Variants in AFF3 observed in about 807,000 individuals in gnomAD.
AFF3 encodes ALF transcription elongation factor 3.
AFF3 carries 32 observed loss-of-function variants against 129.7 expected under a neutral mutation model. The observed-to-expected ratio is 0.25, with a 90% CI of 0.19 to 0.33. AFF3 has a LOEUF of 0.33. Among genes scored for constraint, AFF3 ranks in the 10% least tolerant of loss-of-function variants. The probability of loss-of-function intolerance (pLI) is 1.00; values close to 1 mark genes in which losing one functional copy is unlikely to be tolerated. For missense variants in AFF3, 1,373 were observed against 1,592.0 expected (o/e 0.86, Z 2.34); for synonymous variants, 644 against 635.4 (o/e 1.01, Z -0.20).
chr2:99,648,961 A>C (rs1308587915), intron 13 of AFF3, among the ~76,000 whole-genome samples: 2 of 128,146 alleles, frequency 1.6e-5, no homozygotes, highest in East Asian at 2.5e-4. Flanking sequence ...GTGAAAAAAC[A>C]AAAACCAAAA....
chr2:99,674,589 C>T (rs978166724), intron 11 of AFF3, among the ~76,000 whole-genome samples: 1 of 152,170 alleles, frequency 6.6e-6, no homozygotes, highest in East Asian at 1.9e-4. Flanking sequence ...CCAGCAAGCA[C>T]TGGGTCTTTA....
At chr2:99,846,023 G>A (rs558186003) in intron 7 of AFF3, among the ~76,000 whole-genome samples, 7 of 151,670 alleles carry the variant, frequency 4.6e-5, no homozygotes, top group African/African-American at 1.2e-4. Context: ...TAGTAGAGAC[G>A]GGGTTTCACC....
intron 2 of AFF3, among the ~76,000 whole-genome samples, chr2:100,108,393 A>T (rs930171149): frequency 6.6e-6 from 1 of 152,162 alleles, no homozygotes; most frequent in African/African-American, 2.4e-5. Context: ...GGTCCCGAGC[A>T]GATGGTGTGG....
At chr2:99,978,657 T>C (rs1250298248) in intron 7 of AFF3, among the ~76,000 whole-genome samples, 1 of 152,094 alleles carries the variant, frequency 6.6e-6, no homozygotes, top group Non-Finnish European at 1.5e-5. Flanking sequence ...TTGAATATCA[T>C]AACCCCCAAG....
At chr2:99,827,662 T>C (rs966600993) in intron 8 of AFF3, among the ~76,000 whole-genome samples, 19 of 151,716 alleles carry the variant, frequency 1.3e-4, no homozygotes, top group African/African-American at 4.6e-4. Flanking sequence ...TATATATGTA[T>C]ATATATACAC....
intron 7 of AFF3, among the ~76,000 whole-genome samples, chr2:99,928,102 G>A (rs368780110): frequency 9.9e-4 from 151 of 152,286 alleles, no homozygotes; most frequent in Middle Eastern, 3.4e-3. Flanking sequence ...CCCTAGCCAC[G>A]TGGAACTGTA....
intron 18 of AFF3, among the ~76,000 whole-genome samples, chr2:99,569,203 T>A (rs1410798963): frequency 6.6e-6 from 1 of 152,160 alleles, no homozygotes; most frequent in Non-Finnish European, 1.5e-5. Context: ...TTTTTTATTG[T>A]ATGGTTAAAA....
At chr2:100,060,252 C>T (rs1687160063) in intron 4 of AFF3, among the ~76,000 whole-genome samples, 1 of 152,124 alleles carries the variant, frequency 6.6e-6, no homozygotes. Flanking sequence ...GAGATGTAGC[C>T]TATGCCAGAT....
At chr2:99,963,134 C>T (rs1559014904) in intron 7 of AFF3, among the ~76,000 whole-genome samples, 2 of 151,838 alleles carry the variant, frequency 1.3e-5, no homozygotes, top group African/African-American at 4.8e-5. Flanking sequence ...AAAAAATGTC[C>T]CTGACATTTG....
At chr2:100,014,354 T>C (rs1280319355) in intron 4 of AFF3, among the ~76,000 whole-genome samples, 2 of 152,184 alleles carry the variant, frequency 1.3e-5, no homozygotes, top group African/African-American at 2.4e-5. Flanking sequence ...GAAAAAGTTA[T>C]CATGTTTTGC....
At chr2:100,042,259 A>AG (rs1685498669) in intron 4 of AFF3, among the ~76,000 whole-genome samples, 1 of 152,212 alleles carries the variant, frequency 6.6e-6, no homozygotes, top group Non-Finnish European at 1.5e-5. Flanking sequence ...CACCCCACAG[A>AG]GGGCCCTCCG....
intron 8 of AFF3, among the ~76,000 whole-genome samples, chr2:99,777,105 T>C (rs1328479972): frequency 4.6e-5 from 7 of 152,178 alleles, no homozygotes; most frequent in Non-Finnish European, 7.4e-5. Context: ...TGCTTGGAAT[T>C]GAGCAAAGTC....
intron 7 of AFF3, among the ~76,000 whole-genome samples, chr2:99,915,194 G>A (rs919495094): frequency 2.6e-5 from 4 of 151,910 alleles, no homozygotes; most frequent in Non-Finnish European, 4.4e-5. Context: ...AAAGGCTCTC[G>A]ATAATGGAAC....
chr2:100,032,865 A>G (rs1250862159), intron 4 of AFF3, among the ~76,000 whole-genome samples: 1 of 152,224 alleles, frequency 6.6e-6, no homozygotes, highest in East Asian at 1.9e-4. Flanking sequence ...ACTATAAGTA[A>G]TAAGAAAAAT....
chr2:99,731,502 T>C (rs1294582635), intron 10 of AFF3, among the ~76,000 whole-genome samples: 1 of 152,184 alleles, frequency 6.6e-6, no homozygotes, highest in Non-Finnish European at 1.5e-5. Context: ...AACTCACCCA[T>C]CTATCCTTCC....
chr2:100,063,643 A>G lies in AFF3; in HGVS notation c.53+40759T>C, dbSNP rs1284016328. On this transcript the variant is annotated intron_variant, in intron 4 of 24. Coordinates refer to ENST00000672756, the MANE Select transcript of AFF3 (RefSeq NM_001386135.1). ...AGAAATGTTAACCTAAATGGAGAAT[A>G]CAATGAGAAGGTCCAAAATATGTCT... Among the ~76,000 whole-genome samples, 5 of 152,210 alleles carry G rather than the reference A, an allele frequency of 3.3e-5. No homozygotes were observed. The East Asian group carries it at 9.6e-4, about 29-fold the overall frequency.
intron 7 of AFF3, among the ~76,000 whole-genome samples, chr2:99,952,070 G>C (rs1676221585): frequency 6.6e-6 from 1 of 152,172 alleles, no homozygotes; most frequent in Non-Finnish European, 1.5e-5. Flanking sequence ...TTGTTTTCTA[G>C]TATGGTTTGG....
At chr2:99,842,980 T>C (rs907460193) in intron 7 of AFF3, among the ~76,000 whole-genome samples, 2 of 152,236 alleles carry the variant, frequency 1.3e-5, no homozygotes, top group African/African-American at 4.8e-5. Context: ...CAAATCACAA[T>C]GCCTTTGTTT....
At chr2:99,667,244 A>T (rs1300808073) in intron 12 of AFF3, among the ~76,000 whole-genome samples, 2 of 152,218 alleles carry the variant, frequency 1.3e-5, no homozygotes, top group Non-Finnish European at 2.9e-5. Context: ...ATTAAGGGCG[A>T]TCTCTGAGCA....
Sources: allele counts gnomAD v4.1 joint callset (sites outside exome capture counted in the v4.1 genomes callset), GRCh38; gene constraint gnomAD v4.1.1; transcripts MANE v1.5; gene names NCBI Gene and HGNC (gene_info 2026-07-23, HGNC 2026-07-21).